The following SEL1L3 variants were observed in gnomAD, a reference collection of about 807,000 sequenced individuals.
The protein encoded by SEL1L3 is protein sel-1 homolog 3.
A neutral mutation model predicts 142.8 loss-of-function variants in SEL1L3; 76 were observed. The ratio of observed to expected loss-of-function variants is 0.53; its 90% CI spans 0.44 to 0.64. SEL1L3 has a LOEUF of 0.64. Among genes scored for constraint, SEL1L3 ranks in the 30% least tolerant of loss-of-function variants. The pLI, the probability that SEL1L3 is intolerant of heterozygous loss-of-function variation, is 0.00. For missense variants in SEL1L3, 1,262 were observed against 1,381.7 expected, an observed-to-expected ratio of 0.91 and a Z score of 1.37; for synonymous variants, 504 against 519.6, an observed-to-expected ratio of 0.97 and a Z score of 0.41.
Position 25,835,252 on chromosome 4 carries a change from T to C in SEL1L3, c.805A>G (p.Arg269Gly). 1 of 1,613,984 alleles carries C rather than the reference T, an allele frequency of 6.2e-7. No individual in the cohort carries two copies. Among genetic ancestry groups the C allele is most frequent in the East Asian group, 2.2e-5 (1 of 44,876 alleles). Residue 269 changes from arginine (R) to glycine (G), a missense_variant, in exon 3 of 24, where the codon AGG becomes GGG. Arg to Gly is a moderately radical substitution (Grantham distance 125, BLOSUM62 -2). Coordinates refer to ENST00000399878, the MANE Select transcript of SEL1L3 (RefSeq NM_015187.5). ...ENTGIVKKFP[R>G]FRNRELEATR... ...GCCTCCAGCTCTCGGTTCCGAAACC[T>C]CGGGAACTTCTTGACAATGCCTGTG...
chr4:25,807,364 G>T (rs752884381), intron 9 of SEL1L3, among the ~76,000 whole-genome samples: 1 of 152,086 alleles, frequency 6.6e-6, no homozygotes, highest in East Asian at 1.9e-4. Flanking sequence ...GCGGAATCTT[G>T]TCTTGGATTT....
At chr4:25,836,610 C>T (rs972499672) in intron 2 of SEL1L3, among the ~76,000 whole-genome samples, 14 of 152,120 alleles carry the variant, frequency 9.2e-5, no homozygotes, top group Non-Finnish European at 1.3e-4. Flanking sequence ...TGAGATGGCA[C>T]CACTGCACTC....
At position 25,795,962 on chromosome 4, in the gene SEL1L3, G is replaced by C. The variant is rs112640221; in HGVS notation, c.1957-5388C>G. Among the ~76,000 whole-genome samples, 644 of 152,234 alleles carry C rather than the reference G, an allele frequency of 4.2e-3. 4 individuals carry two copies. Among genetic ancestry groups the C allele is most frequent in the African/African-American group, 0.015 (610 of 41,548 alleles). On this transcript the variant is annotated intron_variant, in intron 11 of 23. Coordinates refer to ENST00000399878, the MANE Select transcript of SEL1L3 (RefSeq NM_015187.5). ...ATCACTGGGCGGGTGTGTGGGGTAG[G>C]GGCAGAGCTGGTGGACACTGGCAGG...
intron 16 of SEL1L3, among the ~76,000 whole-genome samples, chr4:25,778,220 A>C (rs1719766044): frequency 6.6e-6 from 1 of 152,208 alleles, no homozygotes; most frequent in Non-Finnish European, 1.5e-5. Flanking sequence ...AGAACCAAAA[A>C]AGACACAGAT....
intron 2 of SEL1L3, among the ~76,000 whole-genome samples, chr4:25,839,530 G>A (rs960161369): frequency 1.1e-4 from 17 of 152,272 alleles, no homozygotes; most frequent in African/African-American, 4.1e-4. Flanking sequence ...AGCATGTCCT[G>A]GTACAGAAAA....
Position 25,765,326 on chromosome 4 carries a change from C to T in SEL1L3, c.2955G>A (p.Gln985=). 6.2e-7 allele frequency: 1 copy of T among 1,604,676 alleles called. No individual in the cohort carries two copies. Residue 985 remains glutamine, a splice_region_variant and synonymous_variant, in exon 20 of 24, where the codon CAG becomes CAA. Transcript: ENST00000399878. ...YAQAALDGDS[Q]GFFNLALLIE... is the part of the protein sequence containing the mutation. ...GGTTTTTGTTGCGGTTGCTGTTTAC[C>T]TGGGAGTCTCCATCCAGGGCGGCTT...
chr4:25,783,470 G>A (rs1466927238), intron 14 of SEL1L3, among the ~76,000 whole-genome samples: 1 of 152,234 alleles, frequency 6.6e-6, no homozygotes, highest in Non-Finnish European at 1.5e-5. Context: ...GGCAGCCTTG[G>A]GAGGCACATC....
At chr4:25,714,192 G>C in the SEL1L3 span, among the ~76,000 whole-genome samples, 1 of 152,132 alleles carries the variant, frequency 6.6e-6, no homozygotes. Flanking sequence ...ATGTCATAAA[G>C]TGAGGGGGCC....
At chr4:25,761,150 G>A (rs1196850631) in intron 20 of SEL1L3, among the ~76,000 whole-genome samples, 1 of 152,162 alleles carries the variant, frequency 6.6e-6, no homozygotes, top group African/African-American at 2.4e-5. Flanking sequence ...CTTAAAATTT[G>A]AGATATTAAG....
chr4:25,782,484 T>C, intron 14 of SEL1L3, 66 bp from the exon 15 acceptor site: 2 of 1,403,662 alleles, frequency 1.4e-6, no homozygotes, highest in Non-Finnish European at 2.0e-6. Context: ...CTGGAAGCAA[T>C]TATTGTGGAA....
chr4:25,753,127 C>T (rs1408001216), intron 23 of SEL1L3, among the ~76,000 whole-genome samples: 1 of 152,238 alleles, frequency 6.6e-6, no homozygotes, highest in Non-Finnish European at 1.5e-5. Context: ...AACCACCGTC[C>T]TGCGCGGCTA....
chr4:25,810,345 A>G (rs934847779), intron 9 of SEL1L3, among the ~76,000 whole-genome samples: 1 of 152,098 alleles, frequency 6.6e-6, no homozygotes. Context: ...GCCACAACCA[A>G]GAGCCCGGAC....
chr4:25,859,328 C>T (rs79464478), intron 1 of SEL1L3, among the ~76,000 whole-genome samples: 3,612 of 152,324 alleles, frequency 0.024, 151 homozygotes, highest in African/African-American at 0.083. Flanking sequence ...TTCTGGCAGC[C>T]ACTGGAACCA....
At chr4:25,730,962 C>T in the SEL1L3 span, among the ~76,000 whole-genome samples, 6 of 152,056 alleles carry the variant, frequency 3.9e-5, no homozygotes, top group Non-Finnish European at 5.9e-5. Flanking sequence ...ACCTGGGAGG[C>T]GGAGGTTGCA....
intron 1 of SEL1L3, among the ~76,000 whole-genome samples, chr4:25,849,874 G>A (rs1170658348): frequency 6.6e-6 from 1 of 152,194 alleles, no homozygotes; most frequent in Non-Finnish European, 1.5e-5. Flanking sequence ...CGTGGTCAGT[G>A]TTCCCATCAA....
At chr4:25,737,574 C>T in the SEL1L3 span, among the ~76,000 whole-genome samples, 2 of 152,220 alleles carry the variant, frequency 1.3e-5, no homozygotes, top group East Asian at 3.9e-4. Context: ...AAATGCTATC[C>T]CATTGGAAAT....
rs757477787 is a variant in SEL1L3 at position 25,847,370 on chromosome 4, T to C, written c.657A>G (p.Gln219=). The change falls in exon 2 of 24, where the codon CAA becomes CAG. Residue 219 remains glutamine (Q), a synonymous_variant. Transcript: ENST00000399878. ...AACCCATGTTCCACTCAAGGCACACTTGATGATCTTTGAAAGGGCGTTCAA... is the reference window on the plus strand; with the variant it reads ...AACCCATGTTCCACTCAAGGCACACCTGATGATCTTTGAAAGGGCGTTCAA... ...PPFERPFKDH[Q]VCLEWNMGYI... 3 of 1,614,036 alleles carry C rather than the reference T, an allele frequency of 1.9e-6. No individual in the cohort carries two copies. The highest frequency in any genetic ancestry group is 1.7e-5 in the Admixed American group (1 of 60,024).
At chr4:25,800,671 A>G (rs1465062972) in intron 11 of SEL1L3, among the ~76,000 whole-genome samples, 1 of 152,222 alleles carries the variant, frequency 6.6e-6, no homozygotes, top group East Asian at 1.9e-4. Context: ...CTTTTTTTAA[A>G]AAAAACTTTA....
In SEL1L3 at chr4:25,777,800, A is replaced by G. The variant is rs146925757; in HGVS notation, c.2585+1276T>C. On this transcript the variant is annotated intron_variant, in intron 16 of 23. Coordinates refer to ENST00000399878, the MANE Select transcript of SEL1L3 (RefSeq NM_015187.5). ...TATCACCAAGGTCAGGTCAGGTTGA[A>G]TTTGAACCCAAATGTGTTATGAAGA... The G allele has an allele frequency of 3.7e-4, 167 of 456,176 alleles. 2 individuals carry two copies. The East Asian group carries it at 0.011, about 29-fold the overall frequency. The allele number at this position is 456,176 out of a possible 1,614,324, so 28.3% of individuals were successfully genotyped here. A position where few individuals can be genotyped will look rare whatever the true frequency, so the allele number is the denominator to read the frequency against.
Sources: gnomAD v4.1 joint callset for allele counts (sites outside exome capture counted in the v4.1 genomes callset) on GRCh38, gnomAD v4.1.1 for gene constraint, MANE v1.5 for transcripts, NCBI Gene and HGNC (gene_info 2026-07-23, HGNC 2026-07-21) for gene names.